PTPRS: variants seen among roughly 807,000 people sequenced by gnomAD.
The protein encoded by PTPRS is receptor-type tyrosine-protein phosphatase S.
PTPRS carries 63 observed loss-of-function variants against 215.3 expected under a neutral mutation model. The ratio of observed to expected loss-of-function variants is 0.29; its 90% CI spans 0.24 to 0.36. The LOEUF (loss-of-function observed/expected upper bound fraction) is 0.36, where lower values mean the gene tolerates loss of function less well. PTPRS is among the 10% of genes least tolerant of loss of function. PTPRS has a pLI of 1.00. For missense variants in PTPRS, 2,258 were observed against 2,825.8 expected (o/e 0.80, Z 4.56); for synonymous variants, 1,404 against 1,191.4 (o/e 1.18, Z -3.68).
At chr19:5,303,549 G>C (rs2049369913) in intron 1 of PTPRS, among the ~76,000 whole-genome samples, 1 of 152,128 alleles carries the variant, frequency 6.6e-6, no homozygotes, top group African/African-American at 2.4e-5. Context: ...AAGGCCCCGA[G>C]GTGGGAACGA....
chr19:5,298,818 A>G (rs1463634048), intron 1 of PTPRS, among the ~76,000 whole-genome samples: 1 of 152,172 alleles, frequency 6.6e-6, no homozygotes, highest in African/African-American at 2.4e-5. Flanking sequence ...TGGATCCAGC[A>G]AAGCCATTCC....
In PTPRS at chr19:5,290,963, T is replaced by C. The variant is rs369195419; in HGVS notation, c.-94-4729A>G. Among the ~76,000 whole-genome samples the C allele has an allele frequency of 1.6e-4, 24 of 151,736 alleles. No homozygotes were observed. In the East Asian group the frequency reaches 4.3e-3, roughly 27 times the overall value. On this transcript the variant is annotated intron_variant, in intron 1 of 37. Transcript: ENST00000262963. ...CCCTGGGCAGCAAGCACAGGCTCTG[T>C]GGCCACTGGTGGGCTCAAGTCAGCT...
In PTPRS at chr19:5,323,324, C is replaced by A. The variant is rs548598988; in HGVS notation, c.-95+17340G>T. Among the ~76,000 whole-genome samples the A allele has an allele frequency of 2.0e-5, 3 of 152,290 alleles. No homozygotes were observed. The East Asian group carries it at 5.8e-4, about 29-fold the overall frequency. On this transcript the variant is annotated intron_variant, in intron 1 of 37. Transcript: ENST00000262963. Reference sequence around the variant, plus strand: ...CATGAACCAAGATCACACCACTGCACTCCCGCCTGGGTGACAGAGTGAAAC... The same window carrying A: ...CATGAACCAAGATCACACCACTGCAATCCCGCCTGGGTGACAGAGTGAAAC...
chr19:5,278,021 T>C (rs2047533909), intron 2 of PTPRS: 17 of 1,208,880 alleles, frequency 1.4e-5, no homozygotes, highest in Non-Finnish European at 1.7e-5. Context: ...CTCCCTGTGC[T>C]GAGATCGCTC....
Position 5,210,766 on chromosome 19 carries a change from C to T in PTPRS, c.5274G>A (p.Ala1758=), listed in dbSNP as rs371091292. Residue 1758 remains alanine, a synonymous_variant, in exon 34 of 38, where the codon GCG becomes GCA. Transcript: ENST00000262963. This position sits in a 1 kb window ranked among gnomAD's most constrained non-coding sequence, Gnocchi z 4.5. The part of the protein sequence containing the change: ...KAYIATQGPL[A]ETTEDFWRML... ...TGCGCCAGAAGTCTTCCGTGGTCTC[C>T]GCCAGCGGCCCCTGTGTCGCGATGT... is the stretch of plus-strand genomic sequence containing the variant. The T allele has an allele frequency of 1.2e-4, 195 of 1,614,114 alleles. 1 individual carries two copies. In the South Asian group the frequency reaches 1.7e-3, roughly 14 times the overall value.
chr19:5,252,822 G>A (rs938669727), intron 9 of PTPRS, among the ~76,000 whole-genome samples: 4 of 135,646 alleles, frequency 2.9e-5, no homozygotes, highest in Non-Finnish European at 4.5e-5. Context: ...GCAGTGAGCC[G>A]AGATCACGTC....
intron 1 of PTPRS, among the ~76,000 whole-genome samples, chr19:5,337,892 G>C (rs1475057697): frequency 6.6e-6 from 1 of 152,138 alleles, no homozygotes; most frequent in African/African-American, 2.4e-5. Context: ...CGCTCAACCG[G>C]GGTATAAGGA....
At chr19:5,311,327 T>C (rs562577153) in intron 1 of PTPRS, among the ~76,000 whole-genome samples, 1 of 152,278 alleles carries the variant, frequency 6.6e-6, no homozygotes, top group Admixed American at 6.5e-5. Flanking sequence ...TTCATTGTCC[T>C]TCTGATGCAT....
Position 5,211,645 on chromosome 19 carries a change from T to A in PTPRS, c.5179A>T (p.Ile1727Phe). The A allele has an allele frequency of 6.2e-7, 1 of 1,614,004 alleles. No individual in the cohort carries two copies. Among genetic ancestry groups the A allele is most frequent in the Non-Finnish European group, 8.5e-7 (1 of 1,179,942 alleles). ...TAGTCAGAGCCCTCCACACCCCGGATGGGTTGCAGACAGACCCGTGTGCTC... is the reference window on the plus strand; with the variant it reads ...TAGTCAGAGCCCTCCACACCCCGGAAGGGTTGCAGACAGACCCGTGTGCTC... ...YESTRVCLQP[I>F]RGVEGSDYIN... The change falls in exon 33 of 38, where the codon ATC (isoleucine) becomes TTC (phenylalanine). Residue 1727 changes from isoleucine (I) to phenylalanine (F), a missense_variant. By Grantham distance (21) the Ile-to-Phe change is conservative (BLOSUM62 0). This residue lies in a region of PTPRS where 927 missense variants were observed against 1,125.9 expected (regional missense o/e 0.82). Transcript: ENST00000262963.
At chr19:5,214,219 A>G (rs2041202702) in intron 30 of PTPRS, 142 bp downstream of exon 30, 4 of 1,218,630 alleles carry the variant, frequency 3.3e-6, no homozygotes, top group South Asian at 3.0e-5. Context: ...AGTGGGTTCC[A>G]TGAGAATGTA....
chr19:5,327,133 C>T (rs547519547), intron 1 of PTPRS, among the ~76,000 whole-genome samples: 26 of 152,334 alleles, frequency 1.7e-4, no homozygotes, highest in African/African-American at 6.3e-4. Context: ...CTGCGCAGGG[C>T]TTGCCGTAGG....
intron 18 of PTPRS, among the ~76,000 whole-genome samples, 182 bp from the exon 19 acceptor site, chr19:5,222,402 C>A (rs371814629): frequency 6.6e-6 from 1 of 151,310 alleles, no homozygotes; most frequent in African/African-American, 2.4e-5. Flanking sequence ...GTCCCAAGTC[C>A]CTGCTTCGGG....
intron 2 of PTPRS, among the ~76,000 whole-genome samples, chr19:5,282,811 A>AAG (rs1394520766): frequency 6.6e-6 from 1 of 151,928 alleles, no homozygotes; most frequent in Non-Finnish European, 1.5e-5. Flanking sequence ...AAAAAAAAAA[A>AAG]AAGAAGGGAC....
rs950871630 is a variant in PTPRS at position 5,295,459 on chromosome 19, G to A, written c.-94-9225C>T. ...ACCCCCGAGGGGCTGGGGGAGGTGG[G>A]CCAGGTGCCCTCCCCCTTGGCTGGG... is the stretch of plus-strand genomic sequence containing the variant. On this transcript the variant is annotated intron_variant, in intron 1 of 37. Coordinates refer to ENST00000262963, the MANE Select transcript of PTPRS (RefSeq NM_002850.4). This position sits in a 1 kb window ranked among gnomAD's most constrained non-coding sequence, Gnocchi z 4.6. 1.3e-5 allele frequency among the ~76,000 whole-genome samples: 2 copies of A among 152,102 alleles called. No homozygotes were observed. The highest frequency in any genetic ancestry group is 2.9e-5 in the Non-Finnish European group (2 of 68,020).
At chr19:5,268,677 T>C (rs1024297899) in intron 4 of PTPRS, among the ~76,000 whole-genome samples, 4 of 152,146 alleles carry the variant, frequency 2.6e-5, no homozygotes, top group Non-Finnish European at 4.4e-5. Context: ...CCCTGAGCAC[T>C]AACAGCATCC....
At chr19:5,222,334 C>A (rs573241936) in intron 18 of PTPRS, 114 bp from the exon 19 acceptor site, 1 of 872,998 alleles carries the variant, frequency 1.1e-6, no homozygotes, top group Non-Finnish European at 1.8e-6. Context: ...CCCTGTCGTC[C>A]GCTGTGCCCA....
rs945791461 is a variant in PTPRS, at chr19:5,340,644, AT to A, written c.-95+19del. The stretch of plus-strand genomic sequence containing the variant: ...TTTTTTTCCTCTAATCCATGATTTT[AT>A]TTTTTTTTTTGGCTTTACCTGGAGG... On this transcript the variant is annotated intron_variant, in intron 1 of 37. Transcript: ENST00000262963. The A allele has an allele frequency of 9.2e-5, 13 of 140,812 alleles. No homozygotes were observed. Among genetic ancestry groups the A allele is most frequent in the Non-Finnish European group, 9.2e-5 (6 of 65,108 alleles). The allele number at this position is 140,812 out of a possible 1,614,324, so 8.7% of individuals were successfully genotyped here. A position where few individuals can be genotyped will look rare whatever the true frequency, so the allele number is the denominator to read the frequency against.
intron 1 of PTPRS, among the ~76,000 whole-genome samples, chr19:5,314,030 A>C (rs145078898): frequency 6.6e-6 from 1 of 151,966 alleles, no homozygotes; most frequent in South Asian, 2.1e-4. Flanking sequence ...CCAGCTACTC[A>C]GTGGGCTAAG....
intron 37 of PTPRS, among the ~76,000 whole-genome samples, chr19:5,207,336 T>C (rs1388629742): frequency 1.3e-5 from 2 of 152,298 alleles, no homozygotes; most frequent in East Asian, 3.9e-4. Flanking sequence ...CTGCCTGCCT[T>C]GGCCTCCCAA....
Sources: allele counts gnomAD v4.1 joint callset (sites outside exome capture counted in the v4.1 genomes callset), GRCh38; gene constraint gnomAD v4.1.1; regional missense constraint gnomAD v4.1.1; non-coding constraint Gnocchi (gnomAD v3.1); transcripts MANE v1.5; gene names NCBI Gene and HGNC (gene_info 2026-07-23, HGNC 2026-07-21).